CDH7: variants seen among roughly 807,000 people sequenced by gnomAD.
CDH7 encodes the protein cadherin-7.
In CDH7, 25 loss-of-function variants were observed where a neutral mutation model predicts 71.8. The ratio of observed to expected loss-of-function variants is 0.35; its 90% CI spans 0.25 to 0.49. The LOEUF is 0.49. Ranked by LOEUF, CDH7 falls within the 20% of genes least tolerant of loss-of-function variation. The probability of loss-of-function intolerance (pLI) is 0.99; values close to 1 mark genes in which losing one functional copy is unlikely to be tolerated. For synonymous variants in CDH7, 381 were observed against 363.8 expected (o/e 1.05, Z -0.54); for missense variants, 862 against 974.6 (o/e 0.88, Z 1.54).
chr18:65,759,665 T>C (rs1315681629), intron 1 of CDH7, among the ~76,000 whole-genome samples: 1 of 152,146 alleles, frequency 6.6e-6, no homozygotes, highest in African/African-American at 2.4e-5. Context: ...AAAAAAGAAA[T>C]AGACTTTATA....
chr18:65,849,481 C>T (rs989020128), intron 7 of CDH7, among the ~76,000 whole-genome samples: 4 of 148,482 alleles, frequency 2.7e-5, no homozygotes, highest in South Asian at 2.2e-4. Flanking sequence ...GGTGTGATCT[C>T]GGTTCACTGC....
At chr18:65,822,835 A>AT (rs1911984513) in intron 5 of CDH7, among the ~76,000 whole-genome samples, 1 of 151,912 alleles carries the variant, frequency 6.6e-6, no homozygotes, top group Non-Finnish European at 1.5e-5. Context: ...AGTTCCACTT[A>AT]TTTGACCAAA....
chr18:65,841,845 C>T (rs889074578), intron 6 of CDH7, among the ~76,000 whole-genome samples: 5 of 151,972 alleles, frequency 3.3e-5, no homozygotes, highest in African/African-American at 4.8e-5. Flanking sequence ...CTCATTCTCA[C>T]CTTTTTTTGA....
intron 7 of CDH7, among the ~76,000 whole-genome samples, chr18:65,853,848 G>GC (rs1913232302): frequency 7.2e-6 from 1 of 139,774 alleles, no homozygotes; most frequent in Admixed American, 7.7e-5. Flanking sequence ...AAGAGTAATT[G>GC]CCAAATGCAT....
Position 65,783,901 on chromosome 18 carries a change from A to G in CDH7, c.210+20849A>G, listed in dbSNP as rs576112011. Among the ~76,000 whole-genome samples, 4 of 152,260 alleles carry G rather than the reference A, an allele frequency of 2.6e-5. No homozygotes were observed. In the South Asian group the frequency reaches 6.2e-4, roughly 24 times the overall value. On this transcript the variant is annotated intron_variant, in intron 2 of 11. Coordinates refer to ENST00000397968, the MANE Select transcript of CDH7 (RefSeq NM_004361.5). ...CTGATAAATACTGTAGATAAAGCACATAAGAAAATAGAAATAAAGGCTGTC... is the reference window on the plus strand; with the variant it reads ...CTGATAAATACTGTAGATAAAGCACGTAAGAAAATAGAAATAAAGGCTGTC...
intron 2 of CDH7, among the ~76,000 whole-genome samples, chr18:65,781,938 C>CTCTCTTTCTCTCTT (rs1568181955): frequency 1.9e-5 from 1 of 53,352 alleles, no homozygotes; most frequent in African/African-American, 1.8e-4. Context: ...CTCTCTCTCT[C>CTCTCTTTCTCTCTT]TCTCTCTTTC....
rs761870295 is a variant in CDH7 at position 65,881,129 on chromosome 18, T to A, written c.*235T>A. The A allele has an allele frequency of 2.6e-6, 1 of 384,716 alleles. No individual in the cohort carries two copies. The highest frequency in any genetic ancestry group is 4.6e-6 in the Non-Finnish European group (1 of 217,990). The allele number at this position is 384,716 out of a possible 1,614,324, so 23.8% of individuals were successfully genotyped here. ...ACCACAGACTCTGAGCATTTGAAGG[T>A]TTTTTGATAAAAATAAATGCTCAGT... is the stretch of plus-strand genomic sequence containing the variant. On this transcript the variant is annotated 3_prime_UTR_variant, in exon 12 of 12. Transcript: ENST00000397968.
chr18:65,877,132 T>C (rs960755802), intron 11 of CDH7, among the ~76,000 whole-genome samples: 2 of 152,212 alleles, frequency 1.3e-5, no homozygotes, highest in Admixed American at 6.5e-5. Flanking sequence ...CTTACATGGT[T>C]AGAAATTAAT....
intron 11 of CDH7, among the ~76,000 whole-genome samples, chr18:65,877,428 TTTA>T (rs1914103836): frequency 6.6e-6 from 1 of 152,016 alleles, no homozygotes; most frequent in African/African-American, 2.4e-5. Flanking sequence ...TATGACAAAA[TTTA>T]TTATAATTAA....
chr18:65,794,229 C>A (rs1463620918), intron 2 of CDH7, among the ~76,000 whole-genome samples: 1 of 151,394 alleles, frequency 6.6e-6, no homozygotes. Flanking sequence ...GTCAATGAGA[C>A]CATACCATTG....
chr18:65,778,285 A>T (rs865877360), intron 2 of CDH7, among the ~76,000 whole-genome samples: 211 of 150,400 alleles, frequency 1.4e-3, no homozygotes, highest in African/African-American at 4.8e-3. Context: ...AAAAAAAAAA[A>T]AAAAAAAAAA....
intron 3 of CDH7, among the ~76,000 whole-genome samples, chr18:65,813,059 G>T (rs976337069): frequency 6.6e-6 from 1 of 152,222 alleles, no homozygotes; most frequent in Non-Finnish European, 1.5e-5. Flanking sequence ...CAGGCTGGGT[G>T]TGGTGGCTCA....
intron 10 of CDH7, among the ~76,000 whole-genome samples, chr18:65,861,232 A>G (rs1045996467): frequency 2.0e-5 from 3 of 152,144 alleles, no homozygotes; most frequent in Non-Finnish European, 4.4e-5. Flanking sequence ...AGAGAGAGTC[A>G]GTTCTTAAGA....
intron 11 of CDH7, among the ~76,000 whole-genome samples, chr18:65,872,551 G>T (rs1913958587): frequency 6.6e-6 from 1 of 152,004 alleles, no homozygotes; most frequent in Admixed American, 6.6e-5. Flanking sequence ...CTTCATCATG[G>T]TTATTTCTGA....
intron 4 of CDH7, among the ~76,000 whole-genome samples, chr18:65,817,703 T>C (rs1418532425): frequency 6.6e-6 from 1 of 152,244 alleles, no homozygotes; most frequent in Non-Finnish European, 1.5e-5. Context: ...ACATAGTTTC[T>C]GTATAGCCAG....
At chr18:65,771,266 C>T (rs971973280) in intron 2 of CDH7, among the ~76,000 whole-genome samples, 5 of 152,030 alleles carry the variant, frequency 3.3e-5, no homozygotes, top group South Asian at 2.1e-4. Context: ...AAGAAATGAA[C>T]GAATAACAAG....
rs377557553 is a variant in CDH7, at chr18:65,880,417, C to T, written c.1881C>T (p.Ile627=). 12 of 1,544,652 alleles carry T rather than the reference C, an allele frequency of 7.8e-6. No homozygotes were observed. The highest frequency in any genetic ancestry group is 1.0e-5 in the Non-Finnish European group (12 of 1,153,208). The part of the protein sequence containing the change: ...VLTLLVLILL[I]VTMRRRKKEP... The stretch of plus-strand genomic sequence containing the variant: ...TTGTTTCAGTGTTGATCCTCCTTAT[C>T]GTCACTATGAGAAGACGGAAAAAAG... The change falls in exon 12 of 12, where the codon ATC becomes ATT. Residue 627 remains isoleucine, a synonymous_variant. Transcript: ENST00000397968.
intron 2 of CDH7, among the ~76,000 whole-genome samples, chr18:65,787,237 A>G (rs1242700671): frequency 1.3e-5 from 2 of 152,196 alleles, no homozygotes; most frequent in East Asian, 1.9e-4. Flanking sequence ...ATCGTTTTAA[A>G]TGTATCAAAT....
At position 65,782,180 on chromosome 18, in the gene CDH7, T is replaced by TTCTTTCTTTCTC. The variant is rs1568182822; in HGVS notation, c.210+19136_210+19137insTCTCTCTTTCTT. ...TTTCTTTCTTCCTTTCTTTCTTTCT[T>TTCTTTCTTTCTC]TCTTTCTTGACAGAGTCTCACTCCG... On this transcript the variant is annotated intron_variant, in intron 2 of 11. Transcript: ENST00000397968. 4.8e-4 allele frequency among the ~76,000 whole-genome samples: 67 copies of TTCTTTCTTTCTC among 138,656 alleles called. 5 individuals are homozygous for TTCTTTCTTTCTC. The highest frequency in any genetic ancestry group is 2.0e-3 in the African/African-American group (65 of 32,950). 91.0% of individuals were successfully genotyped at this position (138,656 alleles called of 152,430 possible).
Sources: gnomAD v4.1 joint callset for allele counts (sites outside exome capture counted in the v4.1 genomes callset) on GRCh38, gnomAD v4.1.1 for gene constraint, MANE v1.5 for transcripts, NCBI Gene and HGNC (gene_info 2026-07-23, HGNC 2026-07-21) for gene names.